DLGAP2: variants seen among roughly 807,000 people sequenced by gnomAD.
DLGAP2 encodes the protein disks large-associated protein 2.
DLGAP2 carries 26 observed loss-of-function variants against 100.3 expected under a neutral mutation model. The observed-to-expected ratio is 0.26, with a 90% CI of 0.19 to 0.36. DLGAP2 has a LOEUF of 0.36. Ranked by LOEUF, DLGAP2 falls within the 10% of genes least tolerant of loss-of-function variation. The probability of loss-of-function intolerance (pLI) is 1.00; values close to 1 mark genes in which losing one functional copy is unlikely to be tolerated. For synonymous variants in DLGAP2, 886 were observed against 630.1 expected (o/e 1.41, Z -6.08); for missense variants, 1,858 against 1,453.2 (o/e 1.28, Z -4.53).
chr8:851,347 G>A (rs1232432445), intron 1 of DLGAP2, among the ~76,000 whole-genome samples: 1 of 152,210 alleles, frequency 6.6e-6, no homozygotes, highest in African/African-American at 2.4e-5. Context: ...CCATTGCTAA[G>A]CGACGTATGA....
chr8:808,297 C>T (rs1164119694), intron 1 of DLGAP2, among the ~76,000 whole-genome samples: 2 of 152,156 alleles, frequency 1.3e-5, no homozygotes, highest in Non-Finnish European at 2.9e-5. Flanking sequence ...TCCAGGGGGC[C>T]TGTGCACCAC....
chr8:1,102,433 G>C (rs1176836164), intron 2 of DLGAP2, among the ~76,000 whole-genome samples: 5 of 150,844 alleles, frequency 3.3e-5, no homozygotes, highest in African/African-American at 1.2e-4. Context: ...TCAGTGATTG[G>C]CATGCCGTCC....
At chr8:1,022,799 C>T (rs923297677) in intron 2 of DLGAP2, among the ~76,000 whole-genome samples, 26 of 152,110 alleles carry the variant, frequency 1.7e-4, no homozygotes, top group Admixed American at 2.0e-4. Context: ...ACACTCCAGC[C>T]GCCACCCATC....
chr8:1,382,585 T>A (rs1432440219), intron 3 of DLGAP2, among the ~76,000 whole-genome samples: 1 of 151,876 alleles, frequency 6.6e-6, no homozygotes, highest in Non-Finnish European at 1.5e-5. Flanking sequence ...AAAAATAAAC[T>A]TTTAAAAAAT....
intron 3 of DLGAP2, among the ~76,000 whole-genome samples, chr8:1,392,345 A>C (rs1464212842): frequency 1.3e-5 from 2 of 152,052 alleles, no homozygotes; most frequent in Admixed American, 6.6e-5. Flanking sequence ...GTTACCCGTT[A>C]CCTGCACTCC....
chr8:1,694,796 A>T (rs1387960738), intron 13 of DLGAP2, among the ~76,000 whole-genome samples: 1 of 152,164 alleles, frequency 6.6e-6, no homozygotes, highest in African/African-American at 2.4e-5. Context: ...CAATTTCACA[A>T]GGAAAGAGGC....
At chr8:751,609 CACTTTAT>C (rs1226773267) in intron 1 of DLGAP2, among the ~76,000 whole-genome samples, 2 of 87,910 alleles carry the variant, frequency 2.3e-5, no homozygotes, top group Non-Finnish European at 7.0e-5. Context: ...GTTCATCTGA[CACTTTAT>C]AGTAAGTCCT....
chr8:1,098,190 C>G (rs1481835300), intron 2 of DLGAP2, among the ~76,000 whole-genome samples: 1 of 152,220 alleles, frequency 6.6e-6, no homozygotes, highest in Non-Finnish European at 1.5e-5. Context: ...GACTGAGTCC[C>G]GGCGTCCTCT....
chr8:1,572,101 A>G (rs1226922355), intron 6 of DLGAP2, among the ~76,000 whole-genome samples: 15 of 84,804 alleles, frequency 1.8e-4, no homozygotes, highest in African/African-American at 3.0e-4. Context: ...GCGTCTGATG[A>G]GATGGAGAGG....
chr8:932,196 C>A (rs1186668200), intron 2 of DLGAP2, among the ~76,000 whole-genome samples: 1 of 152,228 alleles, frequency 6.6e-6, no homozygotes, highest in Non-Finnish European at 1.5e-5. Context: ...CCTCTAGACA[C>A]TTTCCTGACC....
chr8:743,764 C>T (rs113024091), intron 1 of DLGAP2, among the ~76,000 whole-genome samples: 7,332 of 152,220 alleles, frequency 0.048, 602 homozygotes, highest in African/African-American at 0.17. Context: ...GGGGTTTCAC[C>T]ATGTTGTCCA....
At chr8:1,298,560 T>G (rs916540042) in intron 3 of DLGAP2, among the ~76,000 whole-genome samples, 15 of 151,796 alleles carry the variant, frequency 9.9e-5, no homozygotes, top group African/African-American at 3.6e-4. Flanking sequence ...TCGCTGAGCG[T>G]GGGGGACGGC....
chr8:1,040,845 A>G (rs926881765), intron 2 of DLGAP2, among the ~76,000 whole-genome samples: 4 of 152,128 alleles, frequency 2.6e-5, no homozygotes, highest in Non-Finnish European at 4.4e-5. Context: ...ATTTTTCATC[A>G]CTGACTCCGA....
At chr8:1,212,206 C>T (rs972725157) in intron 2 of DLGAP2, among the ~76,000 whole-genome samples, 1 of 152,230 alleles carries the variant, frequency 6.6e-6, no homozygotes, top group Non-Finnish European at 1.5e-5. Context: ...ATCTTTCAAT[C>T]TTTCAAAGAC....
chr8:778,997 C>A (rs528613559), intron 1 of DLGAP2, among the ~76,000 whole-genome samples: 4 of 152,322 alleles, frequency 2.6e-5, no homozygotes, highest in African/African-American at 9.6e-5. Context: ...AGCGAGACTC[C>A]GTGGGGTAGG....
In DLGAP2 at chr8:1,164,097, C is replaced by T. The variant is rs1356912639; in HGVS notation, c.74-94754C>T. Among the ~76,000 whole-genome samples, 3 of 103,544 alleles carry T rather than the reference C, an allele frequency of 2.9e-5. 1 individual carries two copies. The allele number at this position is 103,544 out of a possible 152,430, so 67.9% of individuals were successfully genotyped here. A position where few individuals can be genotyped will look rare whatever the true frequency, so the allele number is the denominator to read the frequency against. ...CGTCTTCTCTTCCCTGTGCTGGGGA[C>T]AGATTTTTCTGTGAGCCCGCAGGGC... On this transcript the variant is annotated intron_variant, in intron 2 of 14. Coordinates refer to ENST00000637795, the MANE Select transcript of DLGAP2 (RefSeq NM_001346810.2).
At chr8:779,495 G>A (rs528098281) in intron 1 of DLGAP2, among the ~76,000 whole-genome samples, 2 of 140,506 alleles carry the variant, frequency 1.4e-5, no homozygotes, top group Admixed American at 7.3e-5. Context: ...ACAGGGTCTT[G>A]CTCTGTCGCC....
At chr8:1,701,123 G>A in intron 14 of DLGAP2, 65 bp from the exon 15 acceptor site, 1 of 1,468,796 alleles carries the variant, frequency 6.8e-7, no homozygotes, top group Non-Finnish European at 9.2e-7. Flanking sequence ...CAGGGCCGCT[G>A]AGCTCGCGAG....
intron 2 of DLGAP2, among the ~76,000 whole-genome samples, chr8:1,220,903 T>C (rs1291705322): frequency 6.6e-6 from 1 of 152,178 alleles, no homozygotes; most frequent in African/African-American, 2.4e-5. Flanking sequence ...TCTTTTTTTC[T>C]GAAATAAGAA....
Sources: gnomAD v4.1 joint callset for allele counts (sites outside exome capture counted in the v4.1 genomes callset) on GRCh38, gnomAD v4.1.1 for gene constraint, MANE v1.5 for transcripts, NCBI Gene and HGNC (gene_info 2026-07-23, HGNC 2026-07-21) for gene names.